Variants in EXOSC5 observed in about 807,000 individuals in gnomAD.
The protein encoded by EXOSC5 is exosome component 5.
A neutral mutation model predicts 23.7 loss-of-function variants in EXOSC5; 15 were observed. The observed-to-expected ratio is 0.63, with a 90% CI of 0.42 to 0.97. EXOSC5 has a LOEUF of 0.97. Among genes scored for constraint, EXOSC5 ranks in the 50% least tolerant of loss-of-function variants. The pLI is 0.00. For synonymous variants in EXOSC5, 143 were observed against 140.9 expected, an observed-to-expected ratio of 1.02 and a Z score of -0.11; for missense variants, 305 against 316.3, an observed-to-expected ratio of 0.96 and a Z score of 0.27.
In EXOSC5 at chr19:41,391,843, A is replaced by T; in HGVS notation, c.382T>A (p.Ser128Thr). 6.6e-7 allele frequency: 1 copy of T among 1,517,224 alleles called. No individual in the cohort carries two copies. The highest frequency in any genetic ancestry group is 2.6e-5 in the Admixed American group (1 of 38,908). 94.0% of individuals were successfully genotyped at this position (1,517,224 alleles called of 1,614,324 possible). A position where few individuals can be genotyped will look rare whatever the true frequency, so the allele number is the denominator to read the frequency against. Residue 128 changes from serine (S) to threonine (T), a missense_variant and splice_region_variant, in exon 3 of 6, where the codon TCT becomes ACT. Physicochemically the swap from Ser to Thr is moderately conservative, Grantham distance 58 (BLOSUM62 1). Transcript: ENST00000221233. ...VVLQVVSDAG[S>T]LLACCLNAAC... ...AGGAGGCCTGGCAGAAAGGATACAG[A>T]GCCGGCATCGCTGACAACCTGCAGC...
chr19:41,397,316 T>G lies in EXOSC5; in HGVS notation c.13A>C (p.Thr5Pro), dbSNP rs1007914607. The G allele has an allele frequency of 3.7e-6, 6 of 1,612,840 alleles. No homozygotes were observed. The highest frequency in any genetic ancestry group is 4.2e-6 in the Non-Finnish European group (5 of 1,179,060). The change falls in exon 1 of 6, where the codon ACG becomes CCG. Residue 5 changes from threonine to proline, a missense_variant. Thr to Pro is a conservative substitution (Grantham distance 38). Transcript: ENST00000221233. Reference protein sequence around the residue: MEEETHTDAKIRAEN... With the variant: MEEEPHTDAKIRAEN... ...GCACGGATTTTGGCGTCAGTATGCG[T>G]CTCCTCCTCCATCGCGCCGAGCCCA...
intron 1 of EXOSC5, among the ~76,000 whole-genome samples, chr19:41,395,364 A>G (rs2039054471): frequency 6.6e-6 from 1 of 152,148 alleles, no homozygotes; most frequent in African/African-American, 2.4e-5. Flanking sequence ...CCCGAGCACA[A>G]GAGTCTCTCC....
chr19:41,392,584 C>CA (rs944039875), intron 2 of EXOSC5, among the ~76,000 whole-genome samples: 42 of 130,600 alleles, frequency 3.2e-4, no homozygotes, highest in South Asian at 7.4e-4. Flanking sequence ...ACACTGTCTC[C>CA]AAAAAAAAAA....
intron 1 of EXOSC5, among the ~76,000 whole-genome samples, chr19:41,396,273 G>T (rs1207354958): frequency 6.6e-6 from 1 of 151,662 alleles, no homozygotes; most frequent in East Asian, 1.9e-4. Context: ...ACAATGGCAC[G>T]ATCTCGGCCC....
chr19:41,393,027 G>A, intron 1 of EXOSC5, 47 bp from the exon 2 acceptor site: 1 of 1,576,226 alleles, frequency 6.3e-7, no homozygotes, highest in Non-Finnish European at 8.7e-7. Context: ...CCCTGCTCCT[G>A]GGGCCCCATT....
chr19:41,391,625 G>C (rs2039022983), intron 3 of EXOSC5: 1 of 523,690 alleles, frequency 1.9e-6, no homozygotes, highest in East Asian at 3.5e-5. Flanking sequence ...GGATCATAAG[G>C]GCATGTGCTA....
rs752998771 is a variant in EXOSC5, at chr19:41,391,822, G to C, written c.384+19C>G. 2 of 1,492,982 alleles carry C rather than the reference G, an allele frequency of 1.3e-6. No homozygotes were observed. Among genetic ancestry groups the C allele is most frequent in the South Asian group, 2.7e-5 (2 of 73,658 alleles). 92.5% of individuals were successfully genotyped at this position (1,492,982 alleles called of 1,614,324 possible). ...AATCAGGAGACTTCCTGGAGGAGGA[G>C]GCCTGGCAGAAAGGATACAGAGCCG... On this transcript the variant is annotated intron_variant, in intron 3 of 5. Coordinates refer to ENST00000221233, the MANE Select transcript of EXOSC5 (RefSeq NM_020158.4).
rs577998861 is a variant in EXOSC5 at position 41,389,556 on chromosome 19, C to G, written c.525+209G>C. Reference sequence around the variant, plus strand: ...CTGGGATTACAGGCGTGAGCCACCGCTCCCGGCCCCACATTTCCTTCCTAA... The same window carrying G: ...CTGGGATTACAGGCGTGAGCCACCGGTCCCGGCCCCACATTTCCTTCCTAA... On this transcript the variant is annotated intron_variant, in intron 4 of 5. Transcript: ENST00000221233. Among the ~76,000 whole-genome samples, 8 of 152,372 alleles carry G rather than the reference C, an allele frequency of 5.3e-5. No individual in the cohort carries two copies. In the East Asian group the frequency reaches 9.7e-4, roughly 18 times the overall value.
At chr19:41,389,738 T>G (rs1191322078) in intron 4 of EXOSC5, 27 bp downstream of exon 4, 2 of 1,606,596 alleles carry the variant, frequency 1.2e-6, no homozygotes, top group Non-Finnish European at 1.7e-6. Flanking sequence ...GCCTCTGCCC[T>G]TCAGCCACCC....
intron 1 of EXOSC5, among the ~76,000 whole-genome samples, 187 bp from the exon 2 acceptor site, chr19:41,393,167 G>A (rs1469179595): frequency 6.6e-6 from 1 of 152,252 alleles, no homozygotes; most frequent in African/African-American, 2.4e-5. Flanking sequence ...CCCCGCTAGC[G>A]TCTTGTGAGG....
At chr19:41,388,157 C>G (rs1243304837) in intron 4 of EXOSC5, among the ~76,000 whole-genome samples, 4 of 152,238 alleles carry the variant, frequency 2.6e-5, no homozygotes, top group Non-Finnish European at 5.9e-5. Flanking sequence ...ACTCCATGCC[C>G]CTTATTCCAA....
intron 1 of EXOSC5, among the ~76,000 whole-genome samples, chr19:41,395,252 A>G (rs1349247564): frequency 6.6e-6 from 1 of 152,208 alleles, no homozygotes; most frequent in East Asian, 1.9e-4. Flanking sequence ...ATTTGCCCTT[A>G]CACGGAAGGT....
At chr19:41,392,083 G>T in intron 2 of EXOSC5, 121 bp from the exon 3 acceptor site, 1 of 1,402,804 alleles carries the variant, frequency 7.1e-7, no homozygotes, top group Non-Finnish European at 9.4e-7. Flanking sequence ...GCAGTTACCT[G>T]CAGGGATGAT....
chr19:41,393,034 C>G, intron 1 of EXOSC5, 54 bp from the exon 2 acceptor site: 1 of 1,525,680 alleles, frequency 6.6e-7, no homozygotes, highest in South Asian at 1.1e-5. Context: ...CCTGGGGCCC[C>G]ATTTGTGGCA....
chr19:41,387,703 A>G (rs2038994604), intron 4 of EXOSC5, 100 bp from the exon 5 acceptor site: 1 of 766,778 alleles, frequency 1.3e-6, no homozygotes, highest in Non-Finnish European at 1.9e-6. Flanking sequence ...CATGACCATA[A>G]TCTCACCACT....
At chr19:41,389,992 G>C (rs1480642357) in intron 3 of EXOSC5, 87 bp from the exon 4 acceptor site, 1 of 1,440,404 alleles carries the variant, frequency 6.9e-7, no homozygotes, top group Non-Finnish European at 9.1e-7. Flanking sequence ...GAGTGCAATG[G>C]TGTGATCTCG....
chr19:41,390,435 T>C (rs951494464), intron 3 of EXOSC5, among the ~76,000 whole-genome samples: 2 of 152,198 alleles, frequency 1.3e-5, no homozygotes, highest in Admixed American at 6.5e-5. Flanking sequence ...GACTTACTCC[T>C]TGAGTCTCAA....
intron 4 of EXOSC5, among the ~76,000 whole-genome samples, chr19:41,389,487 A>G (rs1035402400): frequency 3.3e-5 from 5 of 151,188 alleles, no homozygotes; most frequent in African/African-American, 1.2e-4. Context: ...CTGATCTCGA[A>G]CTCCCGACCT....
intron 2 of EXOSC5, 84 bp downstream of exon 2, chr19:41,392,783 A>T (rs1358813264): frequency 3.9e-5 from 48 of 1,217,074 alleles, no homozygotes; most frequent in Non-Finnish European, 5.6e-5. Context: ...GGGAGTGGAG[A>T]CTCGGGGCAG....
Sources: gnomAD v4.1 joint callset for allele counts (sites outside exome capture counted in the v4.1 genomes callset) on GRCh38, gnomAD v4.1.1 for gene constraint, MANE v1.5 for transcripts, NCBI Gene and HGNC (gene_info 2026-07-23, HGNC 2026-07-21) for gene names.